Variants in COL6A6 observed in about 807,000 individuals in gnomAD.
The protein encoded by COL6A6 is collagen alpha-6(VI) chain.
COL6A6 carries 183 observed loss-of-function variants against 208.6 expected under a neutral mutation model. The observed-to-expected ratio is 0.88, with a 90% confidence interval of 0.78 to 0.99. The LOEUF is 0.99. COL6A6 is among the 50% of genes least tolerant of loss of function. The pLI is 0.00. For missense variants in COL6A6, 2,816 were observed against 2,815.2 expected (o/e 1.00, Z -0.01); for synonymous variants, 973 against 1,011.8 (o/e 0.96, Z 0.73).
rs1241573193 is a variant in COL6A6 at position 130,621,890 on chromosome 3, C to T, written c.4878+7C>T. On this transcript the variant is annotated splice_region_variant and intron_variant, in intron 24 of 36. Coordinates refer to ENST00000358511, the MANE Select transcript of COL6A6 (RefSeq NM_001102608.3). The stretch of plus-strand genomic sequence containing the variant: ...GGGAAGCCAAGGAAATAAAGTAGGT[C>T]ACATTCTTTATACTCACCAAAGTTG... The T allele has an allele frequency of 6.2e-7, 1 of 1,610,216 alleles. No individual in the cohort carries two copies. The highest frequency in any genetic ancestry group is 1.1e-5 in the South Asian group (1 of 90,940).
chr3:130,669,576 TTTTATC>T (rs1443952303), intron 36 of COL6A6, among the ~76,000 whole-genome samples: 1 of 152,074 alleles, frequency 6.6e-6, no homozygotes, highest in Admixed American at 6.6e-5. Context: ...ATTTAGGAAA[TTTTATC>T]TTAATTCTCA....
chr3:130,563,397 C>T lies in COL6A6; in HGVS notation c.394C>T (p.Pro132Ser), dbSNP rs2062940443. The change falls in exon 3 of 37, where the codon CCC becomes TCC. Residue 132 changes from proline (P) to serine (S), a missense_variant. Coordinates refer to ENST00000358511, the MANE Select transcript of COL6A6 (RefSeq NM_001102608.3). ...PANGRDKKQF[P>S]PILVVLASSE... ...AAATGGGAGAGACAAGAAACAGTTT[C>T]CCCCAATTCTAGTGGTCCTGGCTTC... 6.2e-7 allele frequency: 1 copy of T among 1,613,958 alleles called. No homozygotes were observed. The highest frequency in any genetic ancestry group is 1.3e-5 in the African/African-American group (1 of 75,042).
At chr3:130,517,103 G>C (rs1710774208), upstream of COL6A6, among the ~76,000 whole-genome samples, 1 of 152,176 alleles carries the variant, frequency 6.6e-6, no homozygotes, top group Non-Finnish European at 1.5e-5. Context: ...CTGGGCCCGG[G>C]GCCGCCGGGG....
chr3:130,581,912 G>A lies in COL6A6; in HGVS notation c.3891+8G>A. The A allele has an allele frequency of 1.3e-6, 2 of 1,599,076 alleles. No individual in the cohort carries two copies. Among genetic ancestry groups the A allele is most frequent in the East Asian group, 2.2e-5 (1 of 44,780 alleles). On this transcript the variant is annotated splice_region_variant and intron_variant, in intron 9 of 36. Coordinates refer to ENST00000358511, the MANE Select transcript of COL6A6 (RefSeq NM_001102608.3). Reference sequence around the variant, plus strand: ...TCAGCTGCTCGAGGAAAGGTAACATGGATTTATCTTATTTGTTGGTCTATG... The same window carrying A: ...TCAGCTGCTCGAGGAAAGGTAACATAGATTTATCTTATTTGTTGGTCTATG...
intron 36 of COL6A6, among the ~76,000 whole-genome samples, chr3:130,668,155 T>G (rs1362827025): frequency 6.6e-6 from 1 of 151,962 alleles, no homozygotes. Context: ...AATCAGAGAT[T>G]GATGGATTTG....
intron 1 of COL6A6, among the ~76,000 whole-genome samples, chr3:130,519,113 T>C (rs1710919407): frequency 6.6e-6 from 1 of 152,236 alleles, no homozygotes; most frequent in Admixed American, 6.5e-5. Context: ...TTCAGTATTT[T>C]GAATATTTTG....
At chr3:130,635,383 T>A (rs1355701441) in intron 27 of COL6A6, among the ~76,000 whole-genome samples, 3 of 152,238 alleles carry the variant, frequency 2.0e-5, no homozygotes, top group Admixed American at 2.0e-4. Flanking sequence ...GATACCACTT[T>A]TTCTAGAAAC....
chr3:130,595,889 A>G (rs1387298820), intron 18 of COL6A6, among the ~76,000 whole-genome samples: 1 of 152,166 alleles, frequency 6.6e-6, no homozygotes, highest in Non-Finnish European at 1.5e-5. Flanking sequence ...AATGGTTTTC[A>G]AAAGTTTGTA....
intron 1 of COL6A6, among the ~76,000 whole-genome samples, chr3:130,558,633 CTGTT>C (rs1577697034): frequency 6.6e-6 from 1 of 152,196 alleles, no homozygotes. Flanking sequence ...CCCATTGTGA[CTGTT>C]TGCAAACTTT....
chr3:130,581,630 G>A lies in COL6A6; in HGVS notation c.3617G>A (p.Gly1206Asp), dbSNP rs1560022615. Residue 1206 changes from glycine to aspartate, a missense_variant, in exon 9 of 37, where the codon GGT becomes GAT. Physicochemically the swap from Gly to Asp is moderately conservative, Grantham distance 94 (BLOSUM62 -1). Coordinates refer to ENST00000358511, the MANE Select transcript of COL6A6 (RefSeq NM_001102608.3). Reference protein sequence around the residue: ...TQEKGQTLLEGQPWMETYLQD... With the variant: ...TQEKGQTLLEDQPWMETYLQD... ...GAGAAAGGGCAGACTTTGCTTGAAGGTCAGCCTTGGATGGAAACCTACCTT... is the reference window on the plus strand; with the variant it reads ...GAGAAAGGGCAGACTTTGCTTGAAGATCAGCCTTGGATGGAAACCTACCTT... The A allele has an allele frequency of 6.2e-7, 1 of 1,613,942 alleles. No homozygotes were observed. The highest frequency in any genetic ancestry group is 2.2e-5 in the East Asian group (1 of 44,880).
chr3:130,586,043 C>A (rs368295768), intron 10 of COL6A6, among the ~76,000 whole-genome samples: 11 of 152,244 alleles, frequency 7.2e-5, no homozygotes, highest in African/African-American at 2.4e-4. Flanking sequence ...CAGGCTCAAC[C>A]TCCCAGGCTT....
intron 23 of COL6A6, among the ~76,000 whole-genome samples, chr3:130,612,124 T>C (rs2064377618): frequency 6.6e-6 from 1 of 152,240 alleles, no homozygotes; most frequent in Non-Finnish European, 1.5e-5. Flanking sequence ...TGTTCTTTTT[T>C]ATGGCTGTAT....
At chr3:130,567,537 A>G (rs1474764531) in intron 5 of COL6A6, among the ~76,000 whole-genome samples, 1 of 152,230 alleles carries the variant, frequency 6.6e-6, no homozygotes, top group South Asian at 2.1e-4. Flanking sequence ...ATGAGTGTAC[A>G]CCACACGTGT....
chr3:130,586,744 C>A, intron 11 of COL6A6, 84 bp downstream of exon 11: 1 of 1,342,714 alleles, frequency 7.4e-7, no homozygotes, highest in Non-Finnish European at 1.0e-6. Context: ...AGAATTTGAA[C>A]TTACTGTGTT....
intron 28 of COL6A6, among the ~76,000 whole-genome samples, chr3:130,636,807 C>CTTCCTCCTCCCG (rs1479098003): frequency 1.1e-4 from 2 of 17,438 alleles, no homozygotes; most frequent in South Asian, 4.7e-3. Context: ...TCCCCCTCCC[C>CTTCCTCCTCCCG]TCCCCCTCCC....
intron 1 of COL6A6, among the ~76,000 whole-genome samples, chr3:130,536,565 G>C (rs1186471135): frequency 8.5e-5 from 13 of 152,198 alleles, no homozygotes; most frequent in Non-Finnish European, 1.2e-4. Flanking sequence ...TCAATAGGGT[G>C]CTAACCAAAC....
At chr3:130,596,086 G>A (rs980720139) in intron 18 of COL6A6, among the ~76,000 whole-genome samples, 1 of 152,114 alleles carries the variant, frequency 6.6e-6, no homozygotes, top group Non-Finnish European at 1.5e-5. Context: ...GGAATTTGAT[G>A]CAATATATAT....
chr3:130,558,219 G>T (rs1234544501), intron 1 of COL6A6, among the ~76,000 whole-genome samples: 3 of 152,132 alleles, frequency 2.0e-5, no homozygotes, highest in Non-Finnish European at 2.9e-5. Context: ...CATACAGATT[G>T]CAGGCACTTC....
At position 130,517,875 on chromosome 3, in the gene COL6A6, C is replaced by G. The variant is rs189146359; in HGVS notation, c.-32+478C>G. Among the ~76,000 whole-genome samples, 308 of 152,322 alleles carry G rather than the reference C, an allele frequency of 2.0e-3. 12 individuals carry two copies. Among genetic ancestry groups the G allele is most frequent in the Admixed American group, 0.02 (306 of 15,296 alleles). The stretch of plus-strand genomic sequence containing the variant: ...TCTGTACTTTTGTTCTTGCACTTCA[C>G]ACAAATTTATTAAAGAGGGTTGGAC... On this transcript the variant is annotated intron_variant, in intron 1 of 36. Transcript: ENST00000358511.
Sources: gnomAD v4.1 joint callset for allele counts (sites outside exome capture counted in the v4.1 genomes callset) on GRCh38, gnomAD v4.1.1 for gene constraint, MANE v1.5 for transcripts, NCBI Gene and HGNC (gene_info 2026-07-23, HGNC 2026-07-21) for gene names.